ZNF532: variants seen among roughly 807,000 people sequenced by gnomAD.
ZNF532 encodes the protein zinc finger protein 532.
A neutral mutation model predicts 89.3 loss-of-function variants in ZNF532; 22 were observed. The observed-to-expected ratio is 0.25, with a 90% CI of 0.18 to 0.35. The LOEUF (loss-of-function observed/expected upper bound fraction) is 0.35. Ranked by LOEUF, ZNF532 falls within the 10% of genes least tolerant of loss-of-function variation. The pLI is 1.00. For missense variants in ZNF532, 1,132 were observed against 1,643.4 expected, an observed-to-expected ratio of 0.69 and a Z score of 5.38; for synonymous variants, 606 against 649.6, an observed-to-expected ratio of 0.93 and a Z score of 1.02.
chr18:58,885,336 A>G (rs1459394572), intron 2 of ZNF532, among the ~76,000 whole-genome samples: 1 of 152,168 alleles, frequency 6.6e-6, no homozygotes, highest in Non-Finnish European at 1.5e-5. Context: ...ACGTATAGCC[A>G]GTGGAAAACA....
chr18:58,972,921 C>T (rs1352820325), intron 7 of ZNF532, among the ~76,000 whole-genome samples: 2 of 152,258 alleles, frequency 1.3e-5, no homozygotes, highest in Non-Finnish European at 2.9e-5. Flanking sequence ...ACAGTATTTA[C>T]TGTTTTCTGA....
chr18:58,907,555 G>A (rs543627959), intron 2 of ZNF532, among the ~76,000 whole-genome samples: 1 of 152,066 alleles, frequency 6.6e-6, no homozygotes, highest in Admixed American at 6.5e-5. Context: ...GAGTGCAGTG[G>A]TGCGATCCCG....
chr18:58,863,490 C>A, upstream of ZNF532: 1 of 146,436 alleles, frequency 6.8e-6, no homozygotes, highest in South Asian at 1.9e-4. Flanking sequence ...TTTGTTCGCT[C>A]GCCGCCCGGG....
At chr18:58,905,956 G>A (rs1365290902) in intron 2 of ZNF532, among the ~76,000 whole-genome samples, 2 of 152,144 alleles carry the variant, frequency 1.3e-5, no homozygotes, top group Non-Finnish European at 2.9e-5. Flanking sequence ...GGATTTGTCT[G>A]ATGTGTCTCC....
chr18:58,919,289 T>C lies in ZNF532; in HGVS notation c.1002T>C (p.Ser334=). 6.2e-7 allele frequency: 1 copy of C among 1,614,128 alleles called. No homozygotes were observed. The highest frequency in any genetic ancestry group is 8.5e-7 in the Non-Finnish European group (1 of 1,180,006). The change falls in exon 3 of 10, where the codon AGT becomes AGC. Residue 334 remains serine (S), a synonymous_variant. Transcript: ENST00000591808. The surrounding 1 kb of genome is among the most constrained non-coding windows in gnomAD (Gnocchi z 6.1). ...AACCATCCCTGAAGCAACCGGATAG[T>C]CCCAGAAGCATCTCAAGTGAGAACA... ...TKKPSLKQPD[S]PRSISSENSS...
intron 8 of ZNF532, chr18:58,981,005 T>G (rs2067702482): frequency 6.4e-6 from 1 of 156,344 alleles, no homozygotes; most frequent in Admixed American, 6.2e-5. Flanking sequence ...GAAAAATAAT[T>G]GACCTATTTT....
At chr18:58,926,813 C>CT (rs142480839) in intron 3 of ZNF532, among the ~76,000 whole-genome samples, 10,621 of 151,790 alleles carry the variant, frequency 0.07, 655 homozygotes, top group African/African-American at 0.16. Flanking sequence ...GGTTTCAGGG[C>CT]TTTTTTTTGG....
intron 2 of ZNF532, among the ~76,000 whole-genome samples, chr18:58,898,901 G>A (rs772709827): frequency 9.9e-5 from 15 of 152,182 alleles, no homozygotes; most frequent in Non-Finnish European, 1.3e-4. Flanking sequence ...CTCCTTGTTT[G>A]GCCAGTTTCC....
chr18:58,907,689 C>T (rs1484079518), intron 2 of ZNF532, among the ~76,000 whole-genome samples: 1 of 152,228 alleles, frequency 6.6e-6, no homozygotes, highest in Admixed American at 6.5e-5. Flanking sequence ...TGCTTCCGGT[C>T]AGCATGTCTT....
chr18:58,965,323 G>A (rs1365428540), intron 7 of ZNF532, among the ~76,000 whole-genome samples: 1 of 152,182 alleles, frequency 6.6e-6, no homozygotes, highest in Non-Finnish European at 1.5e-5. Context: ...GCAGGCTCCT[G>A]AGGGGAGACA....
At chr18:58,888,773 T>TA (rs1454362585) in intron 2 of ZNF532, among the ~76,000 whole-genome samples, 13 of 58,318 alleles carry the variant, frequency 2.2e-4, no homozygotes, top group African/African-American at 1.4e-3. Context: ...TATATATAAT[T>TA]TATATATATA....
chr18:58,896,319 C>T (rs184748670), intron 2 of ZNF532: 9 of 152,146 alleles, frequency 5.9e-5, no homozygotes, highest in Non-Finnish European at 8.8e-5. Context: ...TTTTCCATCA[C>T]CTTCAAAAAA....
chr18:58,983,829 G>A (rs1292561330), intron 9 of ZNF532, 143 bp from the exon 10 acceptor site: 4 of 974,206 alleles, frequency 4.1e-6, no homozygotes, highest in East Asian at 2.5e-5. Flanking sequence ...CGGGTGGGGT[G>A]GCAGACACAG....
At chr18:58,879,516 G>GTACT (rs1460208204) in intron 2 of ZNF532, among the ~76,000 whole-genome samples, 2 of 152,096 alleles carry the variant, frequency 1.3e-5, no homozygotes, top group African/African-American at 4.8e-5. Context: ...AGCCTCCCAA[G>GTACT]TAGCTGAGAT....
intron 4 of ZNF532, among the ~76,000 whole-genome samples, chr18:58,935,096 ACTC>A (rs2062272804): frequency 4.5e-5 from 1 of 22,336 alleles, no homozygotes; most frequent in Non-Finnish European, 9.1e-5. Context: ...CCTCCTCCCC[ACTC>A]CTCCTCCTCC....
chr18:58,983,600 C>A (rs1178320998), intron 9 of ZNF532, among the ~76,000 whole-genome samples: 1 of 126,684 alleles, frequency 7.9e-6, no homozygotes, highest in Non-Finnish European at 1.5e-5. Context: ...CACACATATA[C>A]CCCCCCCTTG....
intron 5 of ZNF532, among the ~76,000 whole-genome samples, chr18:58,944,438 A>C (rs771852706): frequency 4.6e-5 from 7 of 151,634 alleles, no homozygotes; most frequent in Admixed American, 1.3e-4. Context: ...TCTTGCATTT[A>C]GGATTAGGTC....
intron 2 of ZNF532, among the ~76,000 whole-genome samples, chr18:58,896,810 G>T (rs1477312253): frequency 6.6e-6 from 1 of 152,182 alleles, no homozygotes; most frequent in Non-Finnish European, 1.5e-5. Context: ...GTAGAGGGAG[G>T]TGTTTTCAGG....
intron 2 of ZNF532, among the ~76,000 whole-genome samples, chr18:58,880,172 AG>A (rs1317421924): frequency 6.6e-6 from 1 of 152,208 alleles, no homozygotes; most frequent in Admixed American, 6.5e-5. Context: ...CGCTGAGCAT[AG>A]CTGTCTGGCT....
Sources: allele counts gnomAD v4.1 joint callset (sites outside exome capture counted in the v4.1 genomes callset), GRCh38; gene constraint gnomAD v4.1.1; non-coding constraint Gnocchi (gnomAD v3.1); transcripts MANE v1.5; gene names NCBI Gene and HGNC (gene_info 2026-07-23, HGNC 2026-07-21).